The following ELAVL2 variants were observed in gnomAD, a reference collection of about 807,000 sequenced individuals.
ELAVL2 encodes the protein ELAV like RNA binding protein 2, also known as ELAV-like protein 2.
ELAVL2 carries 4 observed loss-of-function variants against 34.6 expected under a neutral mutation model. The observed-to-expected ratio is 0.12, with a 90% CI of 0.06 to 0.26. The LOEUF is 0.26. Among genes scored for constraint, ELAVL2 ranks in the 10% least tolerant of loss-of-function variants. The probability of loss-of-function intolerance (pLI) is 1.00; values close to 1 mark genes in which losing one functional copy is unlikely to be tolerated. For synonymous variants in ELAVL2, 193 were observed against 154.8 expected, an observed-to-expected ratio of 1.25 and a Z score of -1.83; for missense variants, 432 against 442.8, an observed-to-expected ratio of 0.98 and a Z score of 0.22.
At chr9:23,722,857 G>C (rs2044090010) in intron 3 of ELAVL2, among the ~76,000 whole-genome samples, 1 of 152,140 alleles carries the variant, frequency 6.6e-6, no homozygotes, top group Admixed American at 6.5e-5. Flanking sequence ...TTCAAAAGTA[G>C]ATACAGCAAA....
At chr9:23,850,023 AG>A in the ELAVL2 span, 1 of 151,630 alleles carries the variant, frequency 6.6e-6, no homozygotes, top group African/African-American at 2.4e-5. Context: ...CACAACAAAA[AG>A]GAGAGAACAT....
At chr9:23,787,776 T>C (rs764339438) in intron 1 of ELAVL2, among the ~76,000 whole-genome samples, 12 of 152,162 alleles carry the variant, frequency 7.9e-5, no homozygotes, top group Non-Finnish European at 1.5e-4. Context: ...TTGATTCTAA[T>C]CTGCAAGCAA....
At position 23,692,070 on chromosome 9, in the gene ELAVL2, T is replaced by C. The variant is rs1458527477; in HGVS notation, c.*487A>G. Reference sequence around the variant, plus strand: ...CTGTTTTAAACTTCATAAATAAAAATGTAAACTTCAAAATACTTTTCTTAA... The same window carrying C: ...CTGTTTTAAACTTCATAAATAAAAACGTAAACTTCAAAATACTTTTCTTAA... On this transcript the variant is annotated 3_prime_UTR_variant, in exon 7 of 7. Transcript: ENST00000397312. 5 of 153,924 alleles carry C rather than the reference T, an allele frequency of 3.2e-5. No homozygotes were observed. The allele number at this position is 153,924 out of a possible 1,614,324, so 9.5% of individuals were successfully genotyped here. A position where few individuals can be genotyped will look rare whatever the true frequency, so the allele number is the denominator to read the frequency against.
chr9:23,804,084 T>C (rs1410456885), intron 1 of ELAVL2, among the ~76,000 whole-genome samples: 3 of 152,188 alleles, frequency 2.0e-5, no homozygotes, highest in African/African-American at 7.2e-5. Context: ...AGTAATTCTA[T>C]TATAATAATT....
intron 3 of ELAVL2, among the ~76,000 whole-genome samples, chr9:23,719,419 T>C: frequency 6.6e-6 from 1 of 152,216 alleles, no homozygotes; most frequent in East Asian, 1.9e-4. Context: ...GATATACATA[T>C]ACTGTAGACA....
intron 3 of ELAVL2, among the ~76,000 whole-genome samples, chr9:23,716,396 G>C (rs192262590): frequency 6.6e-6 from 1 of 151,804 alleles, no homozygotes; most frequent in Non-Finnish European, 1.5e-5. Context: ...TCCTTCATCC[G>C]ACCACATCTT....
chr9:23,848,216 C>A, the ELAVL2 span, among the ~76,000 whole-genome samples: 1 of 152,120 alleles, frequency 6.6e-6, no homozygotes, highest in East Asian at 1.9e-4. Context: ...GTAATATGAT[C>A]TAAAATTAAT....
chr9:23,841,019 G>A, the ELAVL2 span, among the ~76,000 whole-genome samples: 1 of 152,094 alleles, frequency 6.6e-6, no homozygotes, highest in East Asian at 1.9e-4. Flanking sequence ...TTTTCCCTGA[G>A]AGTCAATTTT....
chr9:23,828,749 T>A (rs1457264588), upstream of ELAVL2, among the ~76,000 whole-genome samples: 3 of 152,194 alleles, frequency 2.0e-5, no homozygotes, highest in Non-Finnish European at 2.9e-5. Flanking sequence ...TAAAATATTA[T>A]TTTACTTCCT....
At chr9:23,796,726 T>C (rs2060977020) in intron 1 of ELAVL2, among the ~76,000 whole-genome samples, 1 of 152,236 alleles carries the variant, frequency 6.6e-6, no homozygotes, top group South Asian at 2.1e-4. Context: ...AGATATTTAA[T>C]TATAGCTCTA....
intron 3 of ELAVL2, among the ~76,000 whole-genome samples, chr9:23,708,847 A>G (rs1269308840): frequency 6.6e-6 from 1 of 152,122 alleles, no homozygotes; most frequent in Non-Finnish European, 1.5e-5. Context: ...CATGTTGGTC[A>G]GCCTGGTCTC....
intron 3 of ELAVL2, among the ~76,000 whole-genome samples, chr9:23,723,561 T>C (rs558823175): frequency 8.6e-5 from 13 of 151,374 alleles, no homozygotes; most frequent in Admixed American, 2.0e-4. Flanking sequence ...ACTTAAAGCA[T>C]AATAATAATT....
intron 1 of ELAVL2, chr9:23,821,426 T>C (rs989525176): frequency 5.9e-5 from 9 of 152,156 alleles, no homozygotes; most frequent in African/African-American, 2.2e-4. Flanking sequence ...CTCTAGGAAC[T>C]TCGCGGGCAC....
intron 1 of ELAVL2, chr9:23,779,227 G>A (rs542774446): frequency 1.0e-6 from 1 of 985,414 alleles, no homozygotes; most frequent in African/African-American, 1.7e-5. Flanking sequence ...GGGTAAATAA[G>A]AGGTCTTACT....
chr9:23,790,679 C>G (rs2060223524), intron 1 of ELAVL2, among the ~76,000 whole-genome samples: 2 of 152,176 alleles, frequency 1.3e-5, no homozygotes, highest in African/African-American at 2.4e-5. Context: ...AACTGACTAT[C>G]TAATGTAACT....
intron 1 of ELAVL2, among the ~76,000 whole-genome samples, chr9:23,765,462 T>C (rs764518297): frequency 6.6e-6 from 1 of 151,992 alleles, no homozygotes; most frequent in Non-Finnish European, 1.5e-5. Flanking sequence ...AGGGAGGAAA[T>C]GTGAATGAAA....
intron 1 of ELAVL2, among the ~76,000 whole-genome samples, chr9:23,790,911 C>G (rs1244995099): frequency 1.3e-5 from 2 of 152,186 alleles, no homozygotes; most frequent in African/African-American, 4.8e-5. Flanking sequence ...TACATGTTCT[C>G]TAAGTACAGA....
intron 1 of ELAVL2, among the ~76,000 whole-genome samples, chr9:23,808,328 C>A (rs1033139549): frequency 6.6e-6 from 1 of 152,078 alleles, no homozygotes; most frequent in Non-Finnish European, 1.5e-5. Context: ...CTCTAAGTTT[C>A]ATATCAGCAG....
the ELAVL2 span, among the ~76,000 whole-genome samples, chr9:23,840,901 G>A: frequency 2.0e-5 from 3 of 152,026 alleles, no homozygotes; most frequent in African/African-American, 7.2e-5. Flanking sequence ...CAGAGATCAG[G>A]TGGTGCCATG....
Sources: gnomAD v4.1 joint callset for allele counts (sites outside exome capture counted in the v4.1 genomes callset) on GRCh38, gnomAD v4.1.1 for gene constraint, MANE v1.5 for transcripts, NCBI Gene and HGNC (gene_info 2026-07-23, HGNC 2026-07-21) for gene names.